The following ZDHHC20 variants were observed in gnomAD, a reference collection of about 807,000 sequenced individuals.
ZDHHC20 encodes the protein palmitoyltransferase ZDHHC20.
Under a neutral mutation model 57.8 loss-of-function variants are expected in ZDHHC20, and 43 were observed. The observed-to-expected ratio is 0.74, with a 90% CI of 0.58 to 0.96. ZDHHC20 has a LOEUF of 0.96. ZDHHC20 is among the 40% of genes least tolerant of loss of function. The pLI is 0.00. For missense variants in ZDHHC20, 391 were observed against 441.1 expected (o/e 0.89, Z 1.02); for synonymous variants, 157 against 153.0 (o/e 1.03, Z -0.19).
chr13:21,454,003 T>A (rs1258277783), intron 1 of ZDHHC20, among the ~76,000 whole-genome samples: 1 of 152,088 alleles, frequency 6.6e-6, no homozygotes, highest in African/African-American at 2.4e-5. Flanking sequence ...CAAGCCACCA[T>A]GCCCATCTAA....
intron 6 of ZDHHC20, 127 bp downstream of exon 6, chr13:21,401,526 C>T: frequency 1.3e-6 from 1 of 742,562 alleles, no homozygotes; most frequent in African/African-American, 1.9e-5. Flanking sequence ...CAAATCTATG[C>T]ATATATGTAA....
intron 1 of ZDHHC20, among the ~76,000 whole-genome samples, chr13:21,450,270 C>T (rs1016027318): frequency 6.6e-6 from 1 of 151,996 alleles, no homozygotes; most frequent in Non-Finnish European, 1.5e-5. Flanking sequence ...ACTTCTCTGC[C>T]GGAAAGGGAG....
At chr13:21,432,350 G>A (rs1882058877) in intron 1 of ZDHHC20, among the ~76,000 whole-genome samples, 1 of 144,984 alleles carries the variant, frequency 6.9e-6, no homozygotes, top group Non-Finnish European at 1.5e-5. Context: ...TTTTTTTTGA[G>A]ACAGAGTCTC....
Position 21,374,404 on chromosome 13 carries a change from T to G in ZDHHC20, c.*2292A>C, listed in dbSNP as rs1407311878. 4.4e-6 allele frequency: 2 copies of G among 455,890 alleles called. No individual in the cohort carries two copies. Among genetic ancestry groups the G allele is most frequent in the Admixed American group, 2.3e-5 (1 of 42,568 alleles). The allele number at this position is 455,890 out of a possible 1,614,324, so 28.2% of individuals were successfully genotyped here. On this transcript the variant is annotated 3_prime_UTR_variant, in exon 13 of 13. Transcript: ENST00000400590. ...CATGCCTGGACAGTTTTGGGGTTTT[T>G]TTGTATTTTTAGTGGAGACAGGGTT...
At chr13:21,428,587 G>A (rs559929318) in intron 1 of ZDHHC20, among the ~76,000 whole-genome samples, 7 of 151,912 alleles carry the variant, frequency 4.6e-5, no homozygotes, top group Non-Finnish European at 1.0e-4. Context: ...AGGACTGGGC[G>A]TGGTGGCTCA....
intron 7 of ZDHHC20, among the ~76,000 whole-genome samples, chr13:21,396,700 G>A (rs2137766759): frequency 6.6e-6 from 1 of 152,150 alleles, no homozygotes; most frequent in Non-Finnish European, 1.5e-5. Context: ...AGGCGTGGTG[G>A]TGCATGCCTG....
chr13:21,408,474 A>C (rs1878758304), intron 4 of ZDHHC20, among the ~76,000 whole-genome samples: 1 of 152,158 alleles, frequency 6.6e-6, no homozygotes. Context: ...TTGTATCCTG[A>C]GACTTTGCTG....
intron 7 of ZDHHC20, among the ~76,000 whole-genome samples, chr13:21,397,802 C>T (rs1457401111): frequency 6.6e-6 from 1 of 152,030 alleles, no homozygotes; most frequent in African/African-American, 2.4e-5. Flanking sequence ...AGCTAGCAAG[C>T]ATATCCTCAT....
chr13:21,414,481 C>A (rs1420979618), intron 3 of ZDHHC20, among the ~76,000 whole-genome samples: 2 of 150,648 alleles, frequency 1.3e-5, no homozygotes, highest in Non-Finnish European at 3.0e-5. Context: ...CTGCCTCAGC[C>A]TCCCGAGTAG....
At chr13:21,391,524 T>C (rs1050549466) in intron 8 of ZDHHC20, among the ~76,000 whole-genome samples, 198 bp downstream of exon 8, 1 of 152,138 alleles carries the variant, frequency 6.6e-6, no homozygotes, top group African/African-American at 2.4e-5. Context: ...CCCTATGTTG[T>C]CTAGGGTGTC....
At chr13:21,417,719 G>A (rs1473926357) in intron 3 of ZDHHC20, among the ~76,000 whole-genome samples, 1 of 152,148 alleles carries the variant, frequency 6.6e-6, no homozygotes, top group Non-Finnish European at 1.5e-5. Context: ...GATTATAGGG[G>A]TGAGCCACCA....
intron 2 of ZDHHC20, among the ~76,000 whole-genome samples, chr13:21,423,362 G>C (rs866790622): frequency 2.6e-5 from 4 of 152,262 alleles, no homozygotes; most frequent in South Asian, 4.1e-4. Flanking sequence ...TGAACCCCAT[G>C]GTGTACCCAA....
At chr13:21,390,036 G>A (rs1875377815) in intron 8 of ZDHHC20, among the ~76,000 whole-genome samples, 1 of 152,112 alleles carries the variant, frequency 6.6e-6, no homozygotes, top group African/African-American at 2.4e-5. Context: ...TGATGGAACT[G>A]GAAGAGAAGG....
At chr13:21,392,201 AC>A (rs1440328616) in intron 7 of ZDHHC20, among the ~76,000 whole-genome samples, 1 of 148,544 alleles carries the variant, frequency 6.7e-6, no homozygotes, top group African/African-American at 2.6e-5. Flanking sequence ...ACACAGTGAG[AC>A]CCTGTCTCAT....
Position 21,387,631 on chromosome 13 carries a change from G to A in ZDHHC20, c.731C>T (p.Ser244Leu). The change falls in exon 9 of 13, where the codon TCA (serine) becomes TTA (leucine). Residue 244 changes from serine (S) to leucine (L), a missense_variant. Transcript: ENST00000400590. ...LVGKNRTTIE[S>L]FRAPTFSYGP... Reference sequence around the variant, plus strand: ...GTATGAAAACGTGGGTGCGCGGAATGATTCTGTTAAATATACATACATATA... The same window carrying A: ...GTATGAAAACGTGGGTGCGCGGAATAATTCTGTTAAATATACATACATATA... 6.9e-7 allele frequency: 1 copy of A among 1,451,426 alleles called. No homozygotes were observed. The highest frequency in any genetic ancestry group is 9.1e-7 in the Non-Finnish European group (1 of 1,096,360). 89.9% of individuals were successfully genotyped at this position (1,451,426 alleles called of 1,614,324 possible). A position where few individuals can be genotyped will look rare whatever the true frequency, so the allele number is the denominator to read the frequency against.
chr13:21,383,927 C>T (rs534925883), intron 9 of ZDHHC20, among the ~76,000 whole-genome samples: 1 of 151,824 alleles, frequency 6.6e-6, no homozygotes, highest in Non-Finnish European at 1.5e-5. Flanking sequence ...TTACTTCTAG[C>T]CAAGATGGAA....
intron 11 of ZDHHC20, among the ~76,000 whole-genome samples, chr13:21,379,876 G>A (rs1872960248): frequency 6.8e-6 from 1 of 147,294 alleles, no homozygotes; most frequent in Admixed American, 6.9e-5. Context: ...GTGCAGTGGT[G>A]CAATCTTGGC....
intron 4 of ZDHHC20, among the ~76,000 whole-genome samples, chr13:21,413,025 A>C (rs1311572735): frequency 1.3e-5 from 2 of 151,982 alleles, no homozygotes; most frequent in South Asian, 2.1e-4. Context: ...AATTCTTTTA[A>C]ATAAACAAAA....
intron 9 of ZDHHC20, among the ~76,000 whole-genome samples, chr13:21,385,022 C>T (rs1314464801): frequency 4.0e-5 from 6 of 151,670 alleles, no homozygotes; most frequent in African/African-American, 1.5e-4. Flanking sequence ...AATTAGCAAA[C>T]AAGACTTTAA....
Sources: gnomAD v4.1 joint callset for allele counts (sites outside exome capture counted in the v4.1 genomes callset) on GRCh38, gnomAD v4.1.1 for gene constraint, MANE v1.5 for transcripts, NCBI Gene and HGNC (gene_info 2026-07-23, HGNC 2026-07-21) for gene names.